The following RIMS2 variants were observed in gnomAD, a reference collection of about 807,000 sequenced individuals.
RIMS2 encodes the protein regulating synaptic membrane exocytosis 2.
A neutral mutation model predicts 174.4 loss-of-function variants in RIMS2; 59 were observed. That is an observed-to-expected ratio of 0.34 (90% CI 0.27 to 0.42). The LOEUF (loss-of-function observed/expected upper bound fraction) is 0.42, where lower values mean the gene tolerates loss of function less well. RIMS2 is among the 10% of genes least tolerant of loss of function. The pLI is 1.00. For missense variants in RIMS2, 1,620 were observed against 1,666.3 expected, an observed-to-expected ratio of 0.97 and a Z score of 0.48; for synonymous variants, 606 against 572.5, an observed-to-expected ratio of 1.06 and a Z score of -0.84.
chr8:104,214,098 G>A (rs60337464), intron 19 of RIMS2, among the ~76,000 whole-genome samples: 3,904 of 152,210 alleles, frequency 0.026, 144 homozygotes, highest in African/African-American at 0.081. Context: ...GGTGCAGAAG[G>A]AGTTGCCAAG....
chr8:103,727,493 A>G (rs2097539915), intron 2 of RIMS2, among the ~76,000 whole-genome samples: 1 of 151,848 alleles, frequency 6.6e-6, no homozygotes, highest in Non-Finnish European at 1.5e-5. Flanking sequence ...CCATTTGTCC[A>G]CCTTTGCTTC....
At chr8:103,876,049 C>G (rs1423579919) in intron 3 of RIMS2, among the ~76,000 whole-genome samples, 1 of 151,882 alleles carries the variant, frequency 6.6e-6, no homozygotes, top group Non-Finnish European at 1.5e-5. Flanking sequence ...TTCTCCTGTT[C>G]TCTAGGTTGT....
At chr8:103,769,544 T>G (rs2098224504) in intron 3 of RIMS2, among the ~76,000 whole-genome samples, 1 of 152,212 alleles carries the variant, frequency 6.6e-6, no homozygotes, top group East Asian at 1.9e-4. Flanking sequence ...CAGGCTGGTC[T>G]CATATTCCTG....
At chr8:103,808,891 A>G (rs1296381212) in intron 3 of RIMS2, among the ~76,000 whole-genome samples, 1 of 152,140 alleles carries the variant, frequency 6.6e-6, no homozygotes, top group Non-Finnish European at 1.5e-5. Flanking sequence ...ATTTTGGGGT[A>G]TTTATGGTTA....
chr8:104,251,710 A>C, exon 24 of RIMS2: 1 of 1,610,094 alleles, frequency 6.2e-7, no homozygotes, highest in Non-Finnish European at 8.5e-7. Context: ...CGGATGGTTC[A>C]AACTTTTCCC....
At chr8:103,860,751 T>G (rs1234648043) in intron 3 of RIMS2, among the ~76,000 whole-genome samples, 3 of 151,684 alleles carry the variant, frequency 2.0e-5, no homozygotes, top group Non-Finnish European at 2.9e-5. Flanking sequence ...AAGGGAAACT[T>G]TACACATCCC....
intron 4 of RIMS2, among the ~76,000 whole-genome samples, chr8:103,892,964 A>ATAT (rs913835547): frequency 1.3e-5 from 2 of 151,840 alleles, no homozygotes; most frequent in African/African-American, 4.8e-5. Flanking sequence ...TATTATTATT[A>ATAT]TATTATTATT....
chr8:103,602,805 T>C (rs1334188112), intron 1 of RIMS2, among the ~76,000 whole-genome samples: 1 of 152,158 alleles, frequency 6.6e-6, no homozygotes, highest in Non-Finnish European at 1.5e-5. Flanking sequence ...TTTATATTAA[T>C]TCTTTTGGGC....
At chr8:104,024,226 T>C (rs1328719641) in intron 19 of RIMS2, among the ~76,000 whole-genome samples, 1 of 152,212 alleles carries the variant, frequency 6.6e-6, no homozygotes, top group Non-Finnish European at 1.5e-5. Flanking sequence ...CACTTGGCTG[T>C]GTAATGCCAC....
chr8:103,594,890 C>T (rs2094425593), intron 1 of RIMS2, among the ~76,000 whole-genome samples: 1 of 151,702 alleles, frequency 6.6e-6, no homozygotes, highest in Admixed American at 6.6e-5. Context: ...GGAGAAAGTC[C>T]ATGAAACCTG....
intron 1 of RIMS2, among the ~76,000 whole-genome samples, chr8:103,520,519 C>G (rs1453449880): frequency 6.6e-6 from 1 of 152,054 alleles, no homozygotes; most frequent in African/African-American, 2.4e-5. Context: ...AAAAAATAAA[C>G]AGTGTGCTGA....
intron 17 of RIMS2, among the ~76,000 whole-genome samples, chr8:104,004,912 T>A (rs779795458): frequency 6.6e-6 from 1 of 152,146 alleles, no homozygotes; most frequent in Non-Finnish European, 1.5e-5. Flanking sequence ...GTTAGTGTTT[T>A]AATGACTGTG....
chr8:103,840,589 G>T (rs1049175259), intron 3 of RIMS2, among the ~76,000 whole-genome samples: 1 of 151,990 alleles, frequency 6.6e-6, no homozygotes, highest in Non-Finnish European at 1.5e-5. Flanking sequence ...GTTTTCTGTT[G>T]CACATATGTA....
chr8:103,622,654 C>T (rs921294599), intron 1 of RIMS2, among the ~76,000 whole-genome samples: 1 of 152,118 alleles, frequency 6.6e-6, no homozygotes, highest in Non-Finnish European at 1.5e-5. Context: ...AAGGGATTTG[C>T]AATTAGCACC....
chr8:103,663,026 T>C (rs2096623107), intron 1 of RIMS2, among the ~76,000 whole-genome samples: 1 of 152,038 alleles, frequency 6.6e-6, no homozygotes, highest in Non-Finnish European at 1.5e-5. Flanking sequence ...AAAAATTAGC[T>C]GGGCATAATG....
chr8:103,738,108 T>A (rs1242315675), intron 2 of RIMS2, among the ~76,000 whole-genome samples: 1 of 152,326 alleles, frequency 6.6e-6, no homozygotes, highest in Admixed American at 6.5e-5. Context: ...TTTATTAATA[T>A]GTAAATAATT....
intron 1 of RIMS2, among the ~76,000 whole-genome samples, chr8:103,617,959 AT>A (rs1162871975): frequency 6.6e-6 from 1 of 152,160 alleles, no homozygotes; most frequent in East Asian, 1.9e-4. Context: ...TTCCTCAAAG[AT>A]TTAATAGCAG....
At chr8:103,518,510 T>C (rs1258875046) in intron 1 of RIMS2, among the ~76,000 whole-genome samples, 1 of 152,086 alleles carries the variant, frequency 6.6e-6, no homozygotes, top group East Asian at 1.9e-4. Flanking sequence ...AAAGCAGGTA[T>C]CTATATATCT....
chr8:104,056,758 G>A (rs900122583), intron 19 of RIMS2, among the ~76,000 whole-genome samples: 9 of 152,098 alleles, frequency 5.9e-5, no homozygotes, highest in African/African-American at 1.2e-4. Context: ...TGGTATGCAC[G>A]CCTGTGGTCT....
Sources: allele counts gnomAD v4.1 joint callset (sites outside exome capture counted in the v4.1 genomes callset), GRCh38; gene constraint gnomAD v4.1.1; transcripts MANE v1.5; gene names NCBI Gene and HGNC (gene_info 2026-07-23, HGNC 2026-07-21).